DEFB119: variants seen among roughly 807,000 people sequenced by gnomAD.
The protein encoded by DEFB119 is defensin beta 119, also known as beta-defensin 119.
A neutral mutation model predicts 2.5 loss-of-function variants in DEFB119; 3 were observed. The observed-to-expected ratio is 1.19, with a 90% CI of 0.54 to 3.07. DEFB119 has a LOEUF of 3.07. DEFB119 is among the 30% of genes most tolerant of loss of function. DEFB119 has a pLI of 0.03. For missense variants in DEFB119, 113 were observed against 101.1 expected, an observed-to-expected ratio of 1.12 and a Z score of -0.50; for synonymous variants, 29 against 33.7, an observed-to-expected ratio of 0.86 and a Z score of 0.48.
intron 1 of DEFB119, chr20:31,388,061 T>C (rs1986778510): frequency 1.0e-6 from 1 of 985,296 alleles, no homozygotes; most frequent in Non-Finnish European, 1.2e-6. Context: ...GGTGAAAAAC[T>C]AACTGTGTTG....
Position 31,377,374 on chromosome 20 carries a change from C to A in DEFB119, c.127G>T (p.Glu43Ter). The change falls in exon 2 of 2, where the codon GAA becomes TAA. Residue 43 changes from glutamate to a stop codon, truncating the protein, a stop_gained. Transcript: ENST00000376321. LOFTEE classifies it low-confidence loss of function (END_TRUNC). ...GICRASCKKNEQPYLYCRNCQ... is the reference protein window; with the variant it reads ...GICRASCKKN The stretch of plus-strand genomic sequence containing the variant: ...TTTCTGCAATAGAGGTAGGGCTGTT[C>A]GTTCTTTTTGCAAGAGGCCCTACAA... 5 of 1,613,990 alleles carry A rather than the reference C, an allele frequency of 3.1e-6. No individual in the cohort carries two copies. The highest frequency in any genetic ancestry group is 1.1e-5 in the South Asian group (1 of 91,036).
At chr20:31,388,883 C>T (rs1353544671) in intron 1 of DEFB119, 3 of 1,449,852 alleles carry the variant, frequency 2.1e-6, no homozygotes, top group African/African-American at 1.4e-5. Context: ...TGACTTCTCT[C>T]GACTAGCTCT....
At chr20:31,387,888 G>C (rs1335702946) in intron 1 of DEFB119, among the ~76,000 whole-genome samples, 1 of 152,180 alleles carries the variant, frequency 6.6e-6, no homozygotes, top group Non-Finnish European at 1.5e-5. Context: ...GACTTAGCCA[G>C]AGGAGGGGCC....
intron 1 of DEFB119, chr20:31,378,219 T>G: frequency 7.1e-7 from 1 of 1,405,582 alleles, no homozygotes; most frequent in Non-Finnish European, 9.9e-7. Context: ...GAGTCAAGAC[T>G]TTCACCACCA....
rs115412089 is a variant in DEFB119, at chr20:31,382,535, A to T, written c.62-5096T>A. ...AATGTTAATTATTATTGTTGTTTTA[A>T]ATTATCATTTGAGCAAGACCCAGAA... is the stretch of plus-strand genomic sequence containing the variant. On this transcript the variant is annotated intron_variant, in intron 1 of 1. Transcript: ENST00000376321. Among the ~76,000 whole-genome samples, 417 of 152,304 alleles carry T rather than the reference A, an allele frequency of 2.7e-3. 1 individual carries two copies. The highest frequency in any genetic ancestry group is 9.8e-3 in the African/African-American group (408 of 41,548).
At chr20:31,379,289 A>C (rs1340434395) in intron 1 of DEFB119, among the ~76,000 whole-genome samples, 1 of 152,158 alleles carries the variant, frequency 6.6e-6, no homozygotes, top group Non-Finnish European at 1.5e-5. Flanking sequence ...GCCTAAACTA[A>C]GAAAAAGTTT....
At chr20:31,380,432 ATTTAT>A (rs943162584) in intron 1 of DEFB119, among the ~76,000 whole-genome samples, 3 of 151,822 alleles carry the variant, frequency 2.0e-5, no homozygotes, top group Non-Finnish European at 4.4e-5. Context: ...CACTCAGCTA[ATTTAT>A]TTTATTTTTG....
chr20:31,390,160 A>T (rs1986877679), intron 1 of DEFB119, among the ~76,000 whole-genome samples: 1 of 151,716 alleles, frequency 6.6e-6, no homozygotes, highest in South Asian at 2.1e-4. Context: ...ACCTGCACCC[A>T]CGCTTTGCCC....
At position 31,389,155 on chromosome 20, in the gene DEFB119, C is replaced by T. The variant is rs375754726; in HGVS notation, c.61+1268G>A. On this transcript the variant is annotated intron_variant, in intron 1 of 1. Transcript: ENST00000376321. ...ACGACTAGGAACACAGCACCGTTTA[C>T]GATTTCGGCAGCGTATGATGCTGTC... 155 of 1,614,092 alleles carry T rather than the reference C, an allele frequency of 9.6e-5. No homozygotes were observed. Among genetic ancestry groups the T allele is most frequent in the Non-Finnish European group, 1.2e-4 (144 of 1,180,050 alleles).
chr20:31,388,319 T>G, intron 1 of DEFB119: 1 of 985,860 alleles, frequency 1.0e-6, no homozygotes, highest in Non-Finnish European at 1.2e-6. Flanking sequence ...TGTTGAGTGC[T>G]TACCTTTGCA....
At chr20:31,385,066 A>T (rs896340636) in intron 1 of DEFB119, among the ~76,000 whole-genome samples, 3 of 152,236 alleles carry the variant, frequency 2.0e-5, no homozygotes, top group African/African-American at 7.2e-5. Flanking sequence ...CAATTAACAA[A>T]CATTTCTGCC....
chr20:31,377,399 A>C lies in DEFB119; in HGVS notation c.102T>G (p.Ile34Met), dbSNP rs780607634. 1 of 1,613,902 alleles carries C rather than the reference A, an allele frequency of 6.2e-7. No individual in the cohort carries two copies. The highest frequency in any genetic ancestry group is 1.1e-5 in the South Asian group (1 of 91,022). Residue 34 changes from isoleucine (I) to methionine (M), a missense_variant, in exon 2 of 2, where the codon ATT becomes ATG. By Grantham distance (10) the Ile-to-Met change is conservative. Transcript: ENST00000376321. The part of the protein sequence containing the change: ...HILRCMGNSG[I>M]CRASCKKNEQ... Reference sequence around the variant, plus strand: ...CGTTCTTTTTGCAAGAGGCCCTACAAATTCCACTGTTACCCATGCATCGAA... The same window carrying C: ...CGTTCTTTTTGCAAGAGGCCCTACACATTCCACTGTTACCCATGCATCGAA...
chr20:31,389,019 TC>T (rs1986819886), intron 1 of DEFB119: 1 of 1,613,532 alleles, frequency 6.2e-7, no homozygotes, highest in Non-Finnish European at 8.5e-7. Context: ...TGAAACAAAG[TC>T]ATTTCTATCT....
intron 1 of DEFB119, chr20:31,389,308 C>T: frequency 1.3e-6 from 2 of 1,590,406 alleles, no homozygotes; most frequent in Non-Finnish European, 1.7e-6. Context: ...AGAGGAGGAA[C>T]AGGAGGACAG....
At chr20:31,388,045 G>C (rs1269482880) in intron 1 of DEFB119, 1 of 985,248 alleles carries the variant, frequency 1.0e-6, no homozygotes, top group Non-Finnish European at 1.2e-6. Context: ...AGAGGACGCA[G>C]TTCAGGGTGA....
intron 1 of DEFB119, among the ~76,000 whole-genome samples, chr20:31,382,506 A>C (rs557685158): frequency 9.2e-5 from 14 of 152,230 alleles, no homozygotes; most frequent in Non-Finnish European, 1.8e-4. Context: ...GTAAGAACTA[A>C]ATGAATGTTA....
At position 31,377,458 on chromosome 20, in the gene DEFB119, T is replaced by C; in HGVS notation, c.62-19A>G. Reference sequence around the variant, plus strand: ...CGTTTGCCTGCCAAAGGAAAAAAAATACAAATAGTTAATTCACCTAGGAGT... The same window carrying C: ...CGTTTGCCTGCCAAAGGAAAAAAAACACAAATAGTTAATTCACCTAGGAGT... On this transcript the variant is annotated intron_variant, in intron 1 of 1. Coordinates refer to ENST00000376321, the MANE Select transcript of DEFB119 (RefSeq NM_153289.4). The C allele has an allele frequency of 6.2e-7, 1 of 1,604,738 alleles. No individual in the cohort carries two copies. The highest frequency in any genetic ancestry group is 8.5e-7 in the Non-Finnish European group (1 of 1,175,262).
chr20:31,389,464 T>TCACCCTTC (rs1986844413), intron 1 of DEFB119, among the ~76,000 whole-genome samples: 1 of 152,100 alleles, frequency 6.6e-6, no homozygotes, highest in Non-Finnish European at 1.5e-5. Context: ...TTTGGACTTC[T>TCACCCTTC]CACCCTTCTG....
chr20:31,388,973 T>A (rs1008376723), intron 1 of DEFB119: 1 of 1,596,476 alleles, frequency 6.3e-7, no homozygotes, highest in Non-Finnish European at 8.6e-7. Flanking sequence ...AGAAACAAAT[T>A]TGTGAGTTTT....
Sources: allele counts gnomAD v4.1 joint callset (sites outside exome capture counted in the v4.1 genomes callset), GRCh38; gene constraint gnomAD v4.1.1; transcripts MANE v1.5; gene names NCBI Gene and HGNC (gene_info 2026-07-23, HGNC 2026-07-21).